CTNNAL1: variants seen among roughly 807,000 people sequenced by gnomAD.
CTNNAL1 encodes catenin alpha like 1.
CTNNAL1 carries 69 observed loss-of-function variants against 93.6 expected under a neutral mutation model. The observed-to-expected ratio is 0.74, with a 90% CI of 0.61 to 0.90. CTNNAL1 has a LOEUF of 0.90. Among genes scored for constraint, CTNNAL1 ranks in the 40% least tolerant of loss-of-function variants. The probability of loss-of-function intolerance (pLI) is 0.00; values close to 1 mark genes in which losing one functional copy is unlikely to be tolerated. For synonymous variants in CTNNAL1, 286 were observed against 305.4 expected (o/e 0.94, Z 0.66); for missense variants, 836 against 862.0 (o/e 0.97, Z 0.38).
chr9:108,966,407 G>A (rs1225615738), intron 10 of CTNNAL1, among the ~76,000 whole-genome samples: 1 of 152,228 alleles, frequency 6.6e-6, no homozygotes, highest in African/African-American at 2.4e-5. Context: ...CCTCCCTGGT[G>A]GAGACATATG....
intron 11 of CTNNAL1, among the ~76,000 whole-genome samples, chr9:108,962,957 C>G (rs1252658056): frequency 1.3e-5 from 2 of 152,164 alleles, no homozygotes; most frequent in Non-Finnish European, 2.9e-5. Flanking sequence ...TGTATTTCAA[C>G]TTCTACCCAA....
At chr9:108,984,548 GA>G (rs202117651) in intron 4 of CTNNAL1, 112 bp from the exon 5 acceptor site, 44,505 of 288,274 alleles carry the variant, frequency 0.15, 6 homozygotes, top group East Asian at 0.2. Context: ...ATTGTTAAGT[GA>G]AAAAAAAAAA....
intron 11 of CTNNAL1, among the ~76,000 whole-genome samples, chr9:108,956,675 G>C (rs1830695260): frequency 6.6e-6 from 1 of 152,166 alleles, no homozygotes; most frequent in Non-Finnish European, 1.5e-5. Context: ...CATAATATAA[G>C]AGCACTAAAT....
In CTNNAL1 at chr9:108,977,068, T is replaced by C. The variant is rs966871208; in HGVS notation, c.1102-20A>G. ...GCTTTGCTAAAAATTTTAAAAAGTA[T>C]ACATGTAATGTTACCGCATCTCTTT... On this transcript the variant is annotated intron_variant, in intron 7 of 18. Coordinates refer to ENST00000325551, the MANE Select transcript of CTNNAL1 (RefSeq NM_003798.4). 3.3e-6 allele frequency: 4 copies of C among 1,221,078 alleles called. No individual in the cohort carries two copies. Among genetic ancestry groups the C allele is most frequent in the Non-Finnish European group, 4.6e-6 (4 of 875,714 alleles). The allele number at this position is 1,221,078 out of a possible 1,614,324, so 75.6% of individuals were successfully genotyped here.
rs1831495277 is a variant in CTNNAL1 at position 108,983,308 on chromosome 9, A to G, written c.737T>C (p.Leu246Pro). ...MMLLTASKTC[L>P]RHPNCESAHK... is the part of the protein sequence containing the mutation. ...GGCTGATTCGCAGTTAGGATGCCTC[A>G]GACATGTCTTCAAAACAATTGAAAA... Residue 246 changes from leucine (L) to proline (P), a missense_variant, in exon 6 of 19, where the codon CTG becomes CCG. Leu to Pro is a moderately conservative substitution (Grantham distance 98, BLOSUM62 -3). Transcript: ENST00000325551. The G allele has an allele frequency of 2.0e-6, 3 of 1,520,078 alleles. No individual in the cohort carries two copies. The highest frequency in any genetic ancestry group is 2.6e-6 in the Non-Finnish European group (3 of 1,137,572). The allele number at this position is 1,520,078 out of a possible 1,614,324, so 94.2% of individuals were successfully genotyped here. A position where few individuals can be genotyped will look rare whatever the true frequency, so the allele number is the denominator to read the frequency against.
intron 8 of CTNNAL1, 96 bp from the exon 9 acceptor site, chr9:108,972,929 C>G: frequency 7.3e-7 from 1 of 1,363,912 alleles, no homozygotes; most frequent in East Asian, 2.5e-5. Context: ...TGACCAAGCA[C>G]CACATCAGCA....
chr9:109,009,116 A>T (rs1250979085), intron 1 of CTNNAL1, among the ~76,000 whole-genome samples: 1 of 151,802 alleles, frequency 6.6e-6, no homozygotes, highest in East Asian at 1.9e-4. Context: ...GGCTGGTCTC[A>T]AAATCCTGGA....
intron 1 of CTNNAL1, among the ~76,000 whole-genome samples, chr9:109,000,211 C>T (rs1195545492): frequency 6.6e-6 from 1 of 152,126 alleles, no homozygotes; most frequent in Admixed American, 6.5e-5. Flanking sequence ...TCTAAATTTC[C>T]TCAACTACAA....
intron 11 of CTNNAL1, among the ~76,000 whole-genome samples, chr9:108,962,314 T>C (rs1445846243): frequency 3.9e-5 from 6 of 152,162 alleles, no homozygotes; most frequent in African/African-American, 1.4e-4. Flanking sequence ...CTCTGAAGGA[T>C]CATGTTTACA....
At chr9:108,992,382 G>T (rs895396998) in intron 3 of CTNNAL1, among the ~76,000 whole-genome samples, 4 of 149,520 alleles carry the variant, frequency 2.7e-5, no homozygotes, top group African/African-American at 9.8e-5. Context: ...AACCTAAAAA[G>T]AACTTTTCTT....
At position 108,991,217 on chromosome 9, in the gene CTNNAL1, T is replaced by G. The variant is rs1831790834; in HGVS notation, c.520-372A>C. Reference sequence around the variant, plus strand: ...AACTGGGAAGGGGTGAGGATGAAAGTCAGCACACACAAGCTTTAAGGTTCA... The same window carrying G: ...AACTGGGAAGGGGTGAGGATGAAAGGCAGCACACACAAGCTTTAAGGTTCA... On this transcript the variant is annotated intron_variant, in intron 3 of 18. Transcript: ENST00000325551. 3.9e-5 allele frequency among the ~76,000 whole-genome samples: 6 copies of G among 152,122 alleles called. 1 individual carries two copies. In the South Asian group the frequency reaches 1.2e-3, roughly 32 times the overall value.
chr9:108,952,618 T>C (rs1322992671), intron 12 of CTNNAL1, 124 bp from the exon 13 acceptor site: 1 of 1,212,612 alleles, frequency 8.2e-7, no homozygotes, highest in Non-Finnish European at 1.1e-6. Context: ...CAGTATGTAA[T>C]GACTGAATAT....
intron 7 of CTNNAL1, among the ~76,000 whole-genome samples, chr9:108,978,965 T>G (rs1447254843): frequency 2.0e-5 from 3 of 152,104 alleles, no homozygotes; most frequent in Non-Finnish European, 2.9e-5. Flanking sequence ...TGAAGAAGTA[T>G]TTTGGGGAGG....
At chr9:108,955,965 A>G (rs959135386) in intron 11 of CTNNAL1, 138 bp from the exon 12 acceptor site, 9 of 524,630 alleles carry the variant, frequency 1.7e-5, no homozygotes, top group Non-Finnish European at 2.9e-5. Flanking sequence ...TTCATTACAT[A>G]AAATTCAGAA....
intron 5 of CTNNAL1, 34 bp downstream of exon 5, chr9:108,984,313 A>G: frequency 9.4e-7 from 1 of 1,068,720 alleles, no homozygotes. Context: ...TCTAATTATT[A>G]ATTTATTACA....
At chr9:108,952,024 C>A (rs1223775471) in intron 14 of CTNNAL1, among the ~76,000 whole-genome samples, 185 bp downstream of exon 14, 1 of 151,698 alleles carries the variant, frequency 6.6e-6, no homozygotes, top group Non-Finnish European at 1.5e-5. Flanking sequence ...AAATCTAAAT[C>A]CTAATTAAAT....
At chr9:108,972,869 T>TGGGGG in intron 8 of CTNNAL1, 36 bp from the exon 9 acceptor site, 1 of 1,141,206 alleles carries the variant, frequency 8.8e-7, no homozygotes, top group Non-Finnish European at 1.2e-6. Context: ...GGTGGGAGGG[T>TGGGGG]GGAGAAGGAG....
At chr9:108,965,670 T>C (rs1332094124) in intron 10 of CTNNAL1, 142 bp from the exon 11 acceptor site, 1 of 449,234 alleles carries the variant, frequency 2.2e-6, no homozygotes, top group Non-Finnish European at 3.8e-6. Context: ...AAGCTCCATG[T>C]TGGGCAATAT....
intron 14 of CTNNAL1, 152 bp from the exon 15 acceptor site, chr9:108,948,386 T>G (rs1830465638): frequency 1.7e-6 from 1 of 590,584 alleles, no homozygotes; most frequent in South Asian, 3.3e-5. Flanking sequence ...ACTTTATGCT[T>G]AAAGCAACTT....
Sources: allele counts gnomAD v4.1 joint callset (sites outside exome capture counted in the v4.1 genomes callset), GRCh38; gene constraint gnomAD v4.1.1; transcripts MANE v1.5; gene names NCBI Gene and HGNC (gene_info 2026-07-23, HGNC 2026-07-21).